Variants in PLAAT4 observed in about 807,000 individuals in gnomAD.
PLAAT4 encodes the protein HRAS-like suppressor 4.
In PLAAT4, 12 loss-of-function variants were observed where a neutral mutation model predicts 14.1. That is an observed-to-expected ratio of 0.85 (90% CI 0.54 to 1.37). The LOEUF (loss-of-function observed/expected upper bound fraction) is 1.37. Ranked by LOEUF, PLAAT4 falls within the 40% of genes most tolerant of loss-of-function variation. The pLI, the probability that PLAAT4 is intolerant of heterozygous loss-of-function variation, is 0.00. For missense variants in PLAAT4, 163 were observed against 211.7 expected (o/e 0.77, Z 1.43); for synonymous variants, 77 against 79.8 (o/e 0.96, Z 0.19).
chr11:63,541,277 C>T (rs1039367277), intron 2 of PLAAT4, among the ~76,000 whole-genome samples: 18 of 151,672 alleles, frequency 1.2e-4, no homozygotes, highest in African/African-American at 3.6e-4. Context: ...CTGCAACCTC[C>T]GCCTCCCAGT....
intron 2 of PLAAT4, among the ~76,000 whole-genome samples, chr11:63,539,886 C>G (rs1461096475): frequency 5.3e-5 from 8 of 152,104 alleles, no homozygotes; most frequent in African/African-American, 1.9e-4. Context: ...ACTTGATCCC[C>G]GGAGGCAGAG....
intron 2 of PLAAT4, among the ~76,000 whole-genome samples, chr11:63,543,463 G>A (rs768943053): frequency 1.3e-5 from 2 of 152,182 alleles, no homozygotes; most frequent in Non-Finnish European, 2.9e-5. Context: ...GTGCCACCAC[G>A]CGCAGCTAAT....
At chr11:63,546,021 AGAG>A (rs2017362109) in intron 3 of PLAAT4, 125 bp from the exon 4 acceptor site, 1 of 769,268 alleles carries the variant, frequency 1.3e-6, no homozygotes, top group Non-Finnish European at 2.3e-6. Flanking sequence ...GGGAGAGAAG[AGAG>A]GAGATGCCAG....
chr11:63,538,061 AG>A (rs2017287401), intron 1 of PLAAT4, among the ~76,000 whole-genome samples: 1 of 152,120 alleles, frequency 6.6e-6, no homozygotes, highest in Non-Finnish European at 1.5e-5. Context: ...AGGGAGGGGA[AG>A]AGGAAGAGTG....
intron 2 of PLAAT4, among the ~76,000 whole-genome samples, chr11:63,544,409 G>A (rs1374151619): frequency 6.6e-6 from 1 of 152,138 alleles, no homozygotes; most frequent in Non-Finnish European, 1.5e-5. Context: ...GTACCCAGGA[G>A]ATGGAGCTTG....
intron 3 of PLAAT4, chr11:63,545,219 G>C: frequency 5.3e-6 from 3 of 564,806 alleles, no homozygotes. Flanking sequence ...GACAATGACA[G>C]GTCCTGCAAC....
At chr11:63,543,969 G>C (rs113649725) in intron 2 of PLAAT4, among the ~76,000 whole-genome samples, 2 of 152,284 alleles carry the variant, frequency 1.3e-5, no homozygotes, top group African/African-American at 4.8e-5. Context: ...ATGTCTCTCA[G>C]CCCAATATTG....
At chr11:63,545,312 G>T in intron 3 of PLAAT4, 1 of 344,232 alleles carries the variant, frequency 2.9e-6, no homozygotes, top group South Asian at 6.5e-5. Context: ...GTAAGATCTG[G>T]GCACAGCCTC....
At chr11:63,541,843 A>T (rs1329016651) in intron 2 of PLAAT4, among the ~76,000 whole-genome samples, 1 of 152,176 alleles carries the variant, frequency 6.6e-6, no homozygotes, top group East Asian at 1.9e-4. Context: ...ATATCCAATT[A>T]TGTACAAAAT....
chr11:63,545,623 G>T (rs72930190), intron 3 of PLAAT4, among the ~76,000 whole-genome samples: 8,404 of 152,168 alleles, frequency 0.055, 308 homozygotes, highest in Middle Eastern at 0.078. Context: ...AGTACAGCTG[G>T]AGATGGAAGT....
rs535753596 is a variant in PLAAT4, at chr11:63,545,678, G to A, written c.388-471G>A. On this transcript the variant is annotated intron_variant, in intron 3 of 3. Coordinates refer to ENST00000255688, the MANE Select transcript of PLAAT4 (RefSeq NM_004585.5). Reference sequence around the variant, plus strand: ...ATAGTACACAGTGACCCCAGGGCACGCATATGGCCATGGCCTCCCTAAGTC... The same window carrying A: ...ATAGTACACAGTGACCCCAGGGCACACATATGGCCATGGCCTCCCTAAGTC... 4.6e-5 allele frequency among the ~76,000 whole-genome samples: 7 copies of A among 152,192 alleles called. No homozygotes were observed. The South Asian group carries it at 8.3e-4, about 18-fold the overall frequency.
At chr11:63,540,596 C>A (rs948108171) in intron 2 of PLAAT4, among the ~76,000 whole-genome samples, 2 of 152,134 alleles carry the variant, frequency 1.3e-5, no homozygotes, top group Non-Finnish European at 2.9e-5. Context: ...GAGGCCAAGG[C>A]GGACGGATCA....
chr11:63,539,515 G>C lies in PLAAT4; in HGVS notation c.10-1G>C. On this transcript the variant is annotated splice_acceptor_variant, in intron 1 of 3. Coordinates refer to ENST00000255688, the MANE Select transcript of PLAAT4 (RefSeq NM_004585.5). LOFTEE classifies it high-confidence loss of function. ...CTCCATCTCTGGCTTTTCTGTTGCA[G>C]CCACACCAAGAGCCCAAACCTGGAG... The C allele has an allele frequency of 6.2e-7, 1 of 1,613,482 alleles. No homozygotes were observed. Among genetic ancestry groups the C allele is most frequent in the South Asian group, 1.1e-5 (1 of 91,060 alleles).
chr11:63,541,807 A>C (rs1432111290), intron 2 of PLAAT4, among the ~76,000 whole-genome samples: 2 of 152,182 alleles, frequency 1.3e-5, no homozygotes, highest in East Asian at 3.8e-4. Context: ...CAATTAAATA[A>C]ATCTAAATGT....
chr11:63,544,755 C>T lies in PLAAT4; in HGVS notation c.253C>T (p.Gln85Ter), dbSNP rs367924937. 34 of 1,614,062 alleles carry T rather than the reference C, an allele frequency of 2.1e-5. No homozygotes were observed. The highest frequency in any genetic ancestry group is 2.9e-5 in the Non-Finnish European group (34 of 1,180,044). The change falls in exon 3 of 4, where the codon CAA becomes TAA. Residue 85 changes from glutamine (Q) to a stop codon, truncating the protein, a stop_gained. Coordinates refer to ENST00000255688, the MANE Select transcript of PLAAT4 (RefSeq NM_004585.5). LOFTEE classifies it high-confidence loss of function. ...RVNNSLDHEYQPRPVEVIISS... is the reference protein window; with the variant it reads ...RVNNSLDHEY ...CAACAACAGCTTGGACCATGAGTAC[C>T]AACCACGGCCCGTGGAGGTGATCAT... is the stretch of plus-strand genomic sequence containing the variant.
intron 2 of PLAAT4, among the ~76,000 whole-genome samples, chr11:63,542,662 C>T (rs2017330797): frequency 6.6e-6 from 1 of 152,170 alleles, no homozygotes; most frequent in South Asian, 2.1e-4. Context: ...TCTCTGATTC[C>T]TGACTCACAG....
At chr11:63,538,449 A>C (rs1315790426) in intron 1 of PLAAT4, 4 of 342,522 alleles carry the variant, frequency 1.2e-5, no homozygotes, top group Admixed American at 3.7e-5. Flanking sequence ...CACACCAACA[A>C]GGAGAAGCTT....
chr11:63,545,497 G>A (rs998842990), intron 3 of PLAAT4: 2 of 164,664 alleles, frequency 1.2e-5, no homozygotes, highest in Non-Finnish European at 2.7e-5. Context: ...ATGAGAGAGG[G>A]ATGGTGGCAG....
rs1039049020 is a variant in PLAAT4, at chr11:63,539,536, T to C, written c.30T>C (p.Pro10=). The stretch of plus-strand genomic sequence containing the variant: ...TGCAGCCACACCAAGAGCCCAAACC[T>C]GGAGACCTGATTGAGATTTTCCGCC... MASPHQEPK[P]GDLIEIFRLG... The change falls in exon 2 of 4, where the codon CCT becomes CCC. Residue 10 remains proline, a synonymous_variant. Coordinates refer to ENST00000255688, the MANE Select transcript of PLAAT4 (RefSeq NM_004585.5). The C allele has an allele frequency of 1.5e-5, 24 of 1,614,030 alleles. No homozygotes were observed. The highest frequency in any genetic ancestry group is 1.9e-5 in the Non-Finnish European group (23 of 1,179,928).
Sources: gnomAD v4.1 joint callset for allele counts (sites outside exome capture counted in the v4.1 genomes callset) on GRCh38, gnomAD v4.1.1 for gene constraint, MANE v1.5 for transcripts, NCBI Gene and HGNC (gene_info 2026-07-23, HGNC 2026-07-21) for gene names.